The following SYNE1 variants were observed in gnomAD, a reference collection of about 807,000 sequenced individuals.
SYNE1 encodes the protein nesprin-1.
Under a neutral mutation model 1,111.0 loss-of-function variants are expected in SYNE1, and 616 were observed. The observed-to-expected ratio is 0.55, with a 90% CI of 0.52 to 0.59. The LOEUF is 0.59. Ranked by LOEUF, SYNE1 falls within the 20% of genes least tolerant of loss-of-function variation. SYNE1 has a pLI of 0.00. For synonymous variants in SYNE1, 3,855 were observed against 3,825.8 expected, an observed-to-expected ratio of 1.01 and a Z score of -0.28; for missense variants, 10,006 against 10,417.0, an observed-to-expected ratio of 0.96 and a Z score of 1.72.
chr6:152,485,615 T>C (rs1407111261), intron 12 of SYNE1, among the ~76,000 whole-genome samples: 1 of 152,216 alleles, frequency 6.6e-6, no homozygotes, highest in Non-Finnish European at 1.5e-5. Flanking sequence ...ATAAGCTTAA[T>C]GCTAACATTA....
In SYNE1 at chr6:152,413,301, C is replaced by T. The variant is rs375359035; in HGVS notation, c.6230+51G>A. 1.7e-4 allele frequency: 271 copies of T among 1,593,116 alleles called. 3 individuals carry two copies. In the East Asian group the frequency reaches 5.2e-3, roughly 31 times the overall value. On this transcript the variant is annotated intron_variant, in intron 42 of 145. Transcript: ENST00000367255. ...CACAAAACAGGCAATGTCCCAATGT[C>T]ACATAATAAGTGGGAAGCTAAAAAC...
chr6:152,199,696 C>T (rs1168473573), intron 127 of SYNE1, among the ~76,000 whole-genome samples: 3 of 152,084 alleles, frequency 2.0e-5, no homozygotes, highest in South Asian at 2.1e-4. Flanking sequence ...TGTCTTTACA[C>T]GGTAGAAAGG....
At chr6:152,633,643 C>CTT (rs10630875) in intron 2 of SYNE1, among the ~76,000 whole-genome samples, 88,581 of 122,586 alleles carry the variant, frequency 0.72, 32,472 homozygotes, top group African/African-American at 0.8. Flanking sequence ...GCATACTCTT[C>CTT]TTAGGAATTT....
Position 152,471,638 on chromosome 6 carries a change from C to A in SYNE1, c.1591G>T (p.Gly531Trp). The change falls in exon 16 of 146, where the codon GGG becomes TGG. Residue 531 changes from glycine (G) to tryptophan (W), a missense_variant. Physicochemically the swap from Gly to Trp is radical, Grantham distance 184. Around this residue, in one of 7 missense-constraint regions of SYNE1, gnomAD observed 1,971 missense variants for 2,084.1 expected, o/e 0.95. Transcript: ENST00000367255. ...SKLKSWIIKY[G>W]RRESVEQLLQ... ...AGCTGCTCCACTGACTCTCTCCTCCCGTACTTAATGATCCAAGACTTCAGC... is the reference window on the plus strand; with the variant it reads ...AGCTGCTCCACTGACTCTCTCCTCCAGTACTTAATGATCCAAGACTTCAGC... 3 of 1,613,978 alleles carry A rather than the reference C, an allele frequency of 1.9e-6. No homozygotes were observed. The highest frequency in any genetic ancestry group is 1.7e-6 in the Non-Finnish European group (2 of 1,179,888).
chr6:152,568,976 T>G (rs1334139443), intron 3 of SYNE1, among the ~76,000 whole-genome samples: 1 of 152,204 alleles, frequency 6.6e-6, no homozygotes, highest in Non-Finnish European at 1.5e-5. Context: ...TGTAATAAGT[T>G]GCCATTTTTG....
intron 98 of SYNE1, 32 bp downstream of exon 98, chr6:152,278,057 T>C: frequency 6.2e-7 from 1 of 1,612,792 alleles, no homozygotes; most frequent in Non-Finnish European, 8.5e-7. Flanking sequence ...TGTGCCAACT[T>C]TCAGCTGTGG....
rs757646376 is a variant in SYNE1 at position 152,395,520 on chromosome 6, C to T, written c.7708G>A (p.Ala2570Thr). The T allele has an allele frequency of 6.2e-7, 1 of 1,613,558 alleles. No homozygotes were observed. Among genetic ancestry groups the T allele is most frequent in the Non-Finnish European group, 8.5e-7 (1 of 1,179,752 alleles). The change falls in exon 51 of 146, where the codon GCA (alanine) becomes ACA (threonine). Residue 2570 changes from alanine (A) to threonine (T), a missense_variant. Ala to Thr is a moderately conservative substitution (Grantham distance 58, BLOSUM62 0). Transcript: ENST00000367255. Reference sequence around the variant, plus strand: ...TGTTCCATTTCTGGACCATACCTTGCAGCCAGCAGTTCTCCCAAAAACATT... The same window carrying T: ...TGTTCCATTTCTGGACCATACCTTGTAGCCAGCAGTTCTCCCAAAAACATT... ...VEMFLGELLAARESLDKLSQR... is the reference protein window; with the variant it reads ...VEMFLGELLATRESLDKLSQR...
Position 152,211,571 on chromosome 6 carries a change from C to T in SYNE1, c.22512G>A (p.Met7504Ile). The change falls in exon 124 of 146, where the codon ATG becomes ATA. Residue 7504 changes from methionine to isoleucine, a missense_variant. Physicochemically the swap from Met to Ile is conservative, Grantham distance 10. Coordinates refer to ENST00000367255, the MANE Select transcript of SYNE1 (RefSeq NM_182961.4). ...AGTGCAAAATCTGCTGACGACTGAA[C>T]ATCTCGGCTTGAAACAACTATAATT... The part of the protein sequence containing the change: ...QRAHELFQAE[M>I]FSRQQILHSI... 6.2e-7 allele frequency: 1 copy of T among 1,613,648 alleles called. No individual in the cohort carries two copies. Among genetic ancestry groups the T allele is most frequent in the Non-Finnish European group, 8.5e-7 (1 of 1,179,782 alleles).
rs757501913 is a variant in SYNE1, at chr6:152,331,711, C to T, written c.12974G>A (p.Trp4325Ter). The change falls in exon 78 of 146, where the codon TGG (tryptophan) becomes TAG (stop). Residue 4325 changes from tryptophan (W) to a stop codon, truncating the protein, a stop_gained. Coordinates refer to ENST00000367255, the MANE Select transcript of SYNE1 (RefSeq NM_182961.4). LOFTEE classifies it high-confidence loss of function. Reference sequence around the variant, plus strand: ...TTTAATGAGGTCCTCAAGCTGAAACCAACGTTGCTCTAAATGACTCGTCTG... The same window carrying T: ...TTTAATGAGGTCCTCAAGCTGAAACTAACGTTGCTCTAAATGACTCGTCTG... ...KEQTSHLEQRWFQLEDLIKRK... is the reference protein window; with the variant it reads ...KEQTSHLEQR 3 of 1,614,194 alleles carry T rather than the reference C, an allele frequency of 1.9e-6. No homozygotes were observed. The highest frequency in any genetic ancestry group is 2.5e-6 in the Non-Finnish European group (3 of 1,180,038).
At chr6:152,385,613 T>C in intron 55 of SYNE1, 61 bp downstream of exon 55, 5 of 1,584,142 alleles carry the variant, frequency 3.2e-6, no homozygotes, top group Non-Finnish European at 4.3e-6. Context: ...ACAAAATCTT[T>C]ATCAAAAGTA....
intron 43 of SYNE1, 137 bp from the exon 44 acceptor site, chr6:152,409,363 AAT>A (rs1462876250): frequency 1.9e-6 from 2 of 1,046,380 alleles, no homozygotes; most frequent in East Asian, 2.6e-5. Context: ...TAACTATATG[AAT>A]ATATATAACA....
chr6:152,471,803 A>G, intron 15 of SYNE1, 38 bp from the exon 16 acceptor site: 1 of 1,595,260 alleles, frequency 6.3e-7, no homozygotes, highest in Non-Finnish European at 8.6e-7. Flanking sequence ...GAATGTAACT[A>G]ATAGTAACAG....
intron 30 of SYNE1, among the ~76,000 whole-genome samples, chr6:152,443,018 G>A (rs1165491706): frequency 6.6e-6 from 1 of 152,106 alleles, no homozygotes; most frequent in African/African-American, 2.4e-5. Context: ...TTTGTGGGGG[G>A]AAATTGTCTT....
At chr6:152,345,061 G>C (rs1364631112) in intron 73 of SYNE1, among the ~76,000 whole-genome samples, 1 of 152,020 alleles carries the variant, frequency 6.6e-6, no homozygotes, top group South Asian at 2.1e-4. Flanking sequence ...TCTGACATTG[G>C]GTTTATCCCT....
chr6:152,168,902 AT>A lies in SYNE1; in HGVS notation c.23628-4578del, dbSNP rs1267982351. Among the ~76,000 whole-genome samples, 7 of 152,350 alleles carry A rather than the reference AT, an allele frequency of 4.6e-5. No individual in the cohort carries two copies. The East Asian group carries it at 9.6e-4, about 21-fold the overall frequency. On this transcript the variant is annotated intron_variant, in intron 130 of 145. Coordinates refer to ENST00000367255, the MANE Select transcript of SYNE1 (RefSeq NM_182961.4). ...TTTTCATTTTAAGACAATTAAAAAA[AT>A]AACTATATTCATTTGCTCAGGGGGT...
chr6:152,571,859 C>T (rs1408764317), intron 3 of SYNE1, among the ~76,000 whole-genome samples: 1 of 152,136 alleles, frequency 6.6e-6, no homozygotes, highest in Non-Finnish European at 1.5e-5. Flanking sequence ...TTTCTACTTA[C>T]TTGCTATATG....
chr6:152,333,076 T>A (rs1334941420), intron 77 of SYNE1, among the ~76,000 whole-genome samples: 1 of 152,238 alleles, frequency 6.6e-6, no homozygotes, highest in African/African-American at 2.4e-5. Context: ...TCATGATATC[T>A]AGAACAATAT....
intron 106 of SYNE1, among the ~76,000 whole-genome samples, chr6:152,243,656 C>G (rs2086341934): frequency 6.6e-6 from 1 of 152,152 alleles, no homozygotes; most frequent in African/African-American, 2.4e-5. Context: ...AGATAAAGGA[C>G]AGATACAGTT....
At chr6:152,288,952 T>C (rs2094455244) in intron 95 of SYNE1, among the ~76,000 whole-genome samples, 2 of 152,210 alleles carry the variant, frequency 1.3e-5, no homozygotes, top group Non-Finnish European at 2.9e-5. Context: ...CTTCAAGATC[T>C]AGCAGCCAGG....
Sources: allele counts gnomAD v4.1 joint callset (sites outside exome capture counted in the v4.1 genomes callset), GRCh38; gene constraint gnomAD v4.1.1; regional missense constraint gnomAD v4.1.1; transcripts MANE v1.5; gene names NCBI Gene and HGNC (gene_info 2026-07-23, HGNC 2026-07-21).